The following VPS41 variants were observed in gnomAD, a reference collection of about 807,000 sequenced individuals.
The protein encoded by VPS41 is vacuolar protein sorting-associated protein 41 homolog.
In VPS41, 85 loss-of-function variants were observed where a neutral mutation model predicts 130.9. That is an observed-to-expected ratio of 0.65 (90% CI 0.55 to 0.78). The LOEUF (loss-of-function observed/expected upper bound fraction) is 0.78. VPS41 is among the 30% of genes least tolerant of loss of function. The probability of loss-of-function intolerance (pLI) is 0.00; values close to 1 mark genes in which losing one functional copy is unlikely to be tolerated. For missense variants in VPS41, 874 were observed against 1,018.7 expected (o/e 0.86, Z 1.93); for synonymous variants, 335 against 332.9 (o/e 1.01, Z -0.07).
intron 7 of VPS41, among the ~76,000 whole-genome samples, chr7:38,799,589 G>A (rs1209578319): frequency 6.6e-6 from 1 of 152,018 alleles, no homozygotes; most frequent in African/African-American, 2.4e-5. Context: ...CATTATTCAT[G>A]GATAGTAAGA....
At chr7:38,882,895 A>G (rs1786643877) in intron 2 of VPS41, among the ~76,000 whole-genome samples, 2 of 152,242 alleles carry the variant, frequency 1.3e-5, no homozygotes, top group Admixed American at 1.3e-4. Flanking sequence ...AACAGCATCC[A>G]GAGTGATCCT....
In VPS41 at chr7:38,896,739, A is replaced by G. The variant is rs1276149231; in HGVS notation, c.60+1352T>C. On this transcript the variant is annotated intron_variant, in intron 2 of 28. Coordinates refer to ENST00000310301, the MANE Select transcript of VPS41 (RefSeq NM_014396.4). ...CAAAATTCACATAAGCTTATGCAGTATCAACCCAAATGTAATAGATTATCA... is the reference window on the plus strand; with the variant it reads ...CAAAATTCACATAAGCTTATGCAGTGTCAACCCAAATGTAATAGATTATCA... 2.0e-5 allele frequency among the ~76,000 whole-genome samples: 3 copies of G among 152,382 alleles called. No individual in the cohort carries two copies. The East Asian group carries it at 5.8e-4, about 29-fold the overall frequency.
Position 38,818,834 on chromosome 7 carries a change from A to G in VPS41, c.385-952T>C, listed in dbSNP as rs142935572. Among the ~76,000 whole-genome samples, 680 of 152,290 alleles carry G rather than the reference A, an allele frequency of 4.5e-3. 4 individuals carry two copies. Among genetic ancestry groups the G allele is most frequent in the African/African-American group, 0.016 (656 of 41,556 alleles). On this transcript the variant is annotated intron_variant, in intron 6 of 28. Coordinates refer to ENST00000310301, the MANE Select transcript of VPS41 (RefSeq NM_014396.4). ...TACTTCTATATACCTTCAATTAAAC[A>G]TATTTTATACTTGTATTAATTGACA...
intron 2 of VPS41, among the ~76,000 whole-genome samples, chr7:38,872,052 C>T (rs1786376199): frequency 6.6e-6 from 1 of 152,162 alleles, no homozygotes; most frequent in Non-Finnish European, 1.5e-5. Flanking sequence ...CTGAGTGGTT[C>T]ACTGAGGACT....
chr7:38,816,738 CTCTTA>C (rs1226018617), intron 7 of VPS41, among the ~76,000 whole-genome samples: 1 of 152,030 alleles, frequency 6.6e-6, no homozygotes, highest in East Asian at 1.9e-4. Context: ...AAGTTTTTCT[CTCTTA>C]TTTCTCTTTA....
chr7:38,762,595 T>G (rs1783944655), intron 17 of VPS41, among the ~76,000 whole-genome samples: 1 of 152,224 alleles, frequency 6.6e-6, no homozygotes, highest in Non-Finnish European at 1.5e-5. Flanking sequence ...TTGTTTTTTG[T>G]AATCTGACCT....
At chr7:38,902,344 T>G (rs1787163246) in intron 1 of VPS41, among the ~76,000 whole-genome samples, 1 of 152,164 alleles carries the variant, frequency 6.6e-6, no homozygotes, top group Non-Finnish European at 1.5e-5. Flanking sequence ...CACAAACCTG[T>G]GACCCTCCAG....
intron 7 of VPS41, among the ~76,000 whole-genome samples, chr7:38,811,308 C>T (rs1047798014): frequency 5.9e-5 from 9 of 152,014 alleles, no homozygotes; most frequent in African/African-American, 2.2e-4. Context: ...GCAAACCACA[C>T]CAAGCTGATA....
At chr7:38,733,776 A>G (rs1262880481) in intron 25 of VPS41, among the ~76,000 whole-genome samples, 1 of 152,168 alleles carries the variant, frequency 6.6e-6, no homozygotes, top group Non-Finnish European at 1.5e-5. Flanking sequence ...TATGTCTCTT[A>G]TTAGAGTATC....
intron 4 of VPS41, among the ~76,000 whole-genome samples, chr7:38,838,203 A>G (rs1310298547): frequency 1.3e-5 from 2 of 152,204 alleles, no homozygotes. Context: ...CACTGAAAAC[A>G]AAGAAACAAA....
chr7:38,826,102 G>T (rs889678894), intron 5 of VPS41, among the ~76,000 whole-genome samples: 3 of 152,194 alleles, frequency 2.0e-5, no homozygotes, highest in Non-Finnish European at 4.4e-5. Flanking sequence ...TCTCCACCCA[G>T]GCTGACTAAC....
chr7:38,900,319 T>C (rs1370749733), intron 1 of VPS41, among the ~76,000 whole-genome samples: 1 of 152,006 alleles, frequency 6.6e-6, no homozygotes, highest in Non-Finnish European at 1.5e-5. Flanking sequence ...AACAGTCAAA[T>C]ATGCATGTTC....
At chr7:38,765,735 G>T in intron 15 of VPS41, 74 bp from the exon 16 acceptor site, 1 of 943,970 alleles carries the variant, frequency 1.1e-6, no homozygotes, top group Non-Finnish European at 1.6e-6. Flanking sequence ...GACAGAATAA[G>T]TAGACATTTT....
At chr7:38,896,619 A>G (rs773877190) in intron 2 of VPS41, among the ~76,000 whole-genome samples, 24 of 152,160 alleles carry the variant, frequency 1.6e-4, no homozygotes, top group South Asian at 1.0e-3. Flanking sequence ...TCTTCTTCCA[A>G]TGTGACCCGG....
chr7:38,796,660 T>A, intron 8 of VPS41, 85 bp downstream of exon 8: 1 of 1,597,208 alleles, frequency 6.3e-7, no homozygotes, highest in Non-Finnish European at 8.6e-7. Context: ...GCAAGTGGCA[T>A]CTTTTCCCTT....
At chr7:38,774,959 T>G (rs1192091450) in intron 11 of VPS41, among the ~76,000 whole-genome samples, 3 of 152,070 alleles carry the variant, frequency 2.0e-5, no homozygotes, top group Admixed American at 2.0e-4. Context: ...TGGTGGCAAG[T>G]ACACAGACAT....
rs375600681 is a variant in VPS41 at position 38,765,740 on chromosome 7, C to A, written c.1248-79G>T. The A allele has an allele frequency of 1.4e-4, 127 of 888,108 alleles. No homozygotes were observed. The African/African-American group carries it at 2.0e-3, about 14-fold the overall frequency. 55.0% of individuals were successfully genotyped at this position (888,108 alleles called of 1,614,324 possible). A position where few individuals can be genotyped will look rare whatever the true frequency, so the allele number is the denominator to read the frequency against. ...AACAAACAGAGACAGAATAAGTAGACATTTTCCCCAGAGGTTTAGAGAAAT... is the reference window on the plus strand; with the variant it reads ...AACAAACAGAGACAGAATAAGTAGAAATTTTCCCCAGAGGTTTAGAGAAAT... On this transcript the variant is annotated intron_variant, in intron 15 of 28. Coordinates refer to ENST00000310301, the MANE Select transcript of VPS41 (RefSeq NM_014396.4).
At chr7:38,769,774 G>C (rs1256658405) in intron 14 of VPS41, among the ~76,000 whole-genome samples, 1 of 152,156 alleles carries the variant, frequency 6.6e-6, no homozygotes, top group African/African-American at 2.4e-5. Flanking sequence ...TAAGTCTCAT[G>C]ACCTTCCACC....
At chr7:38,818,185 G>C (rs560602341) in intron 6 of VPS41, among the ~76,000 whole-genome samples, 245 of 151,916 alleles carry the variant, frequency 1.6e-3, no homozygotes, top group African/African-American at 5.7e-3. Flanking sequence ...GGTCAAGGGA[G>C]GTTGGTCAAG....
Sources: gnomAD v4.1 joint callset for allele counts (sites outside exome capture counted in the v4.1 genomes callset) on GRCh38, gnomAD v4.1.1 for gene constraint, MANE v1.5 for transcripts, NCBI Gene and HGNC (gene_info 2026-07-23, HGNC 2026-07-21) for gene names.